Variants in ITGA9 observed in about 807,000 individuals in gnomAD.
The protein encoded by ITGA9 is integrin subunit alpha 9, also known as integrin alpha-9.
ITGA9 carries 56 observed loss-of-function variants against 127.8 expected under a neutral mutation model. That is an observed-to-expected ratio of 0.44 (90% CI 0.35 to 0.55). The LOEUF (loss-of-function observed/expected upper bound fraction) is 0.55, where lower values mean the gene tolerates loss of function less well. Among genes scored for constraint, ITGA9 ranks in the 20% least tolerant of loss-of-function variants. The pLI, the probability that ITGA9 is intolerant of heterozygous loss-of-function variation, is 0.00. For missense variants in ITGA9, 1,196 were observed against 1,347.1 expected (o/e 0.89, Z 1.76); for synonymous variants, 508 against 514.5 (o/e 0.99, Z 0.17).
At chr3:37,688,211 G>A (rs1700799511) in intron 18 of ITGA9, among the ~76,000 whole-genome samples, 1 of 152,202 alleles carries the variant, frequency 6.6e-6, no homozygotes. Flanking sequence ...GACCAGAACT[G>A]TGGCTGGTTC....
intron 17 of ITGA9, among the ~76,000 whole-genome samples, chr3:37,673,581 C>T (rs537310722): frequency 1.3e-5 from 2 of 152,346 alleles, no homozygotes; most frequent in East Asian, 3.9e-4. Context: ...CCCTCAGTCC[C>T]TCCAACTCTA....
intron 16 of ITGA9, among the ~76,000 whole-genome samples, chr3:37,640,109 A>G (rs1287928859): frequency 6.6e-6 from 1 of 152,140 alleles, no homozygotes; most frequent in African/African-American, 2.4e-5. Context: ...CCCCCCAAAG[A>G]TGTCCATGCC....
intron 23 of ITGA9, among the ~76,000 whole-genome samples, chr3:37,772,272 G>A (rs932392363): frequency 5.3e-4 from 81 of 152,246 alleles, no homozygotes; most frequent in African/African-American, 1.9e-3. Flanking sequence ...GCCAGGCATG[G>A]TGGCGTGTGC....
At chr3:37,619,476 C>G (rs1192579766) in intron 15 of ITGA9, among the ~76,000 whole-genome samples, 1 of 152,186 alleles carries the variant, frequency 6.6e-6, no homozygotes, top group African/African-American at 2.4e-5. Flanking sequence ...CAGGAAAAGT[C>G]TAGCCTCAGC....
chr3:37,578,740 A>G (rs952167081), intron 15 of ITGA9, among the ~76,000 whole-genome samples: 6 of 152,122 alleles, frequency 3.9e-5, no homozygotes, highest in Admixed American at 6.5e-5. Flanking sequence ...ATAAGTCATA[A>G]TCTCAGCAGG....
intron 18 of ITGA9, among the ~76,000 whole-genome samples, chr3:37,707,935 C>G (rs1178916476): frequency 6.6e-6 from 1 of 152,174 alleles, no homozygotes; most frequent in Non-Finnish European, 1.5e-5. Context: ...TACCCCTTCC[C>G]GAGTGCTTCC....
intron 15 of ITGA9, among the ~76,000 whole-genome samples, chr3:37,565,448 A>G (rs1379765093): frequency 1.3e-5 from 2 of 152,222 alleles, no homozygotes; most frequent in African/African-American, 4.8e-5. Context: ...ATACAGAAAG[A>G]TAATTGCCAT....
At chr3:37,623,449 TC>T (rs2125632506) in intron 15 of ITGA9, among the ~76,000 whole-genome samples, 1 of 152,294 alleles carries the variant, frequency 6.6e-6, no homozygotes, top group East Asian at 1.9e-4. Context: ...TAGCCTCTCA[TC>T]CCACACTGCT....
At chr3:37,512,481 G>A (rs1698942962) in intron 8 of ITGA9, among the ~76,000 whole-genome samples, 1 of 151,854 alleles carries the variant, frequency 6.6e-6, no homozygotes, top group Non-Finnish European at 1.5e-5. Context: ...CAAAGTGCTG[G>A]GAGTACAGGC....
chr3:37,759,495 A>G (rs1192262586), intron 23 of ITGA9, among the ~76,000 whole-genome samples: 2 of 152,242 alleles, frequency 1.3e-5, no homozygotes, highest in Non-Finnish European at 2.9e-5. Flanking sequence ...GATTCATCAA[A>G]TAAAGAATAT....
chr3:37,718,284 G>A (rs1701155292), intron 18 of ITGA9, among the ~76,000 whole-genome samples: 2 of 152,152 alleles, frequency 1.3e-5, no homozygotes, highest in African/African-American at 4.8e-5. Context: ...CGAGTAGATG[G>A]GCTTCCTCTG....
At chr3:37,670,973 C>T (rs1229475641) in intron 17 of ITGA9, among the ~76,000 whole-genome samples, 1 of 152,242 alleles carries the variant, frequency 6.6e-6, no homozygotes, top group East Asian at 1.9e-4. Flanking sequence ...TGATGAAATG[C>T]ACATACACTG....
chr3:37,493,920 A>G (rs1328783966), intron 4 of ITGA9, among the ~76,000 whole-genome samples: 5 of 152,124 alleles, frequency 3.3e-5, no homozygotes, highest in Non-Finnish European at 5.9e-5. Flanking sequence ...GGAGGAGAAA[A>G]GCTTATCTGT....
intron 19 of ITGA9, among the ~76,000 whole-genome samples, chr3:37,734,906 C>A (rs1696340199): frequency 6.6e-6 from 1 of 152,234 alleles, no homozygotes; most frequent in African/African-American, 2.4e-5. Context: ...TGAAGCAAGA[C>A]TGACTAAACC....
At chr3:37,468,484 C>T (rs1358389047) in intron 1 of ITGA9, among the ~76,000 whole-genome samples, 2 of 152,180 alleles carry the variant, frequency 1.3e-5, no homozygotes, top group African/African-American at 4.8e-5. Flanking sequence ...TTTGTGATAT[C>T]TGCCAGCCTT....
In ITGA9 at chr3:37,684,410, G is replaced by C. The variant is rs187786620; in HGVS notation, c.2067+395G>C. On this transcript the variant is annotated intron_variant, in intron 18 of 27. Coordinates refer to ENST00000264741, the MANE Select transcript of ITGA9 (RefSeq NM_002207.3). The stretch of plus-strand genomic sequence containing the variant: ...GGGCAGATCACTGCTTGTCGTGTTA[G>C]TTATTATGTATGATGTACTTGATGT... 7.2e-5 allele frequency among the ~76,000 whole-genome samples: 11 copies of C among 152,304 alleles called. No homozygotes were observed. In the East Asian group the frequency reaches 1.9e-3, roughly 27 times the overall value.
chr3:37,581,679 CT>C (rs1699711219), intron 15 of ITGA9, among the ~76,000 whole-genome samples: 1 of 152,234 alleles, frequency 6.6e-6, no homozygotes, highest in East Asian at 1.9e-4. Context: ...ATCAGGACCC[CT>C]GATATCCACC....
At chr3:37,735,940 C>T (rs554805650) in intron 19 of ITGA9, among the ~76,000 whole-genome samples, 2 of 152,334 alleles carry the variant, frequency 1.3e-5, no homozygotes, top group East Asian at 3.9e-4. Context: ...ACATGTATTT[C>T]TCACAGTTCT....
At chr3:37,709,563 G>C (rs1701054504) in intron 18 of ITGA9, among the ~76,000 whole-genome samples, 1 of 152,232 alleles carries the variant, frequency 6.6e-6, no homozygotes, top group Admixed American at 6.5e-5. Flanking sequence ...GGAGAGCCAG[G>C]AGCTGAGTGG....
Sources: gnomAD v4.1 joint callset for allele counts (sites outside exome capture counted in the v4.1 genomes callset) on GRCh38, gnomAD v4.1.1 for gene constraint, MANE v1.5 for transcripts, NCBI Gene and HGNC (gene_info 2026-07-23, HGNC 2026-07-21) for gene names.